DAB1: variants seen among roughly 807,000 people sequenced by gnomAD.
DAB1 encodes DAB adaptor protein 1.
A neutral mutation model predicts 64.6 loss-of-function variants in DAB1; 15 were observed. That is an observed-to-expected ratio of 0.23 (90% CI 0.16 to 0.36). The LOEUF is 0.36. Ranked by LOEUF, DAB1 falls within the 10% of genes least tolerant of loss-of-function variation. The pLI is 1.00. For synonymous variants in DAB1, 235 were observed against 251.9 expected (o/e 0.93, Z 0.64); for missense variants, 596 against 706.7 (o/e 0.84, Z 1.78).
chr1:57,979,944 G>T (rs996407263), intron 5 of DAB1, among the ~76,000 whole-genome samples: 46 of 152,214 alleles, frequency 3.0e-4, no homozygotes, highest in African/African-American at 1.0e-3. Flanking sequence ...TGAACAAAAA[G>T]AAAGGACTTG....
chr1:57,374,102 C>T (rs1028608382), intron 1 of DAB1, among the ~76,000 whole-genome samples: 3 of 152,264 alleles, frequency 2.0e-5, no homozygotes, highest in African/African-American at 7.2e-5. Flanking sequence ...GCTAAGTTTA[C>T]CTGTGACAAA....
chr1:58,064,417 C>T (rs775613097), intron 5 of DAB1, among the ~76,000 whole-genome samples: 1 of 152,118 alleles, frequency 6.6e-6, no homozygotes, highest in Non-Finnish European at 1.5e-5. Flanking sequence ...TCAGTTCAAA[C>T]CAGCTCTTCG....
chr1:57,528,225 C>A (rs1232682634), intron 7 of DAB1, among the ~76,000 whole-genome samples: 1 of 151,950 alleles, frequency 6.6e-6, no homozygotes, highest in Non-Finnish European at 1.5e-5. Context: ...ATGGTAATAT[C>A]TGAAAAAATT....
intron 7 of DAB1, among the ~76,000 whole-genome samples, chr1:57,508,761 G>A (rs2101341565): frequency 6.6e-6 from 1 of 152,206 alleles, no homozygotes; most frequent in East Asian, 1.9e-4. Context: ...TTATGTCCTT[G>A]GCTAGACTGC....
chr1:57,343,322 C>A (rs1459862922), intron 1 of DAB1, among the ~76,000 whole-genome samples: 1 of 152,192 alleles, frequency 6.6e-6, no homozygotes, highest in East Asian at 1.9e-4. Context: ...GGTATATTTA[C>A]AATCCCTTAG....
intron 2 of DAB1, among the ~76,000 whole-genome samples, chr1:57,270,053 A>G (rs1670875170): frequency 6.6e-6 from 1 of 152,216 alleles, no homozygotes; most frequent in African/African-American, 2.4e-5. Context: ...AAGGCAAAGG[A>G]GAGCCCGAGC....
At chr1:58,064,738 T>C (rs947850034) in intron 5 of DAB1, among the ~76,000 whole-genome samples, 5 of 150,346 alleles carry the variant, frequency 3.3e-5, no homozygotes, top group Non-Finnish European at 7.4e-5. Context: ...TTTATTTATT[T>C]TGAGACGGAA....
chr1:58,294,310 TA>T (rs1002254106), intron 4 of DAB1, among the ~76,000 whole-genome samples: 3 of 152,182 alleles, frequency 2.0e-5, no homozygotes. Context: ...CTATAGAAAT[TA>T]ATTCTTAAAA....
At chr1:57,661,817 A>T (rs532139413) in intron 6 of DAB1, among the ~76,000 whole-genome samples, 2 of 152,218 alleles carry the variant, frequency 1.3e-5, no homozygotes, top group South Asian at 2.1e-4. Flanking sequence ...TTATTTTTTT[A>T]AAAAACATAT....
chr1:57,213,553 C>T (rs1666194142), intron 2 of DAB1, among the ~76,000 whole-genome samples: 1 of 152,198 alleles, frequency 6.6e-6, no homozygotes, highest in Non-Finnish European at 1.5e-5. Flanking sequence ...ATACAAAATG[C>T]TGGCTCCACC....
chr1:58,481,725 A>G (rs1486162127), intron 3 of DAB1, among the ~76,000 whole-genome samples: 1 of 152,118 alleles, frequency 6.6e-6, no homozygotes, highest in Non-Finnish European at 1.5e-5. Context: ...TGAATCATGG[A>G]GGTGGGTGTT....
chr1:57,461,285 T>C (rs901339592), intron 7 of DAB1, among the ~76,000 whole-genome samples: 5 of 152,192 alleles, frequency 3.3e-5, no homozygotes, highest in African/African-American at 1.2e-4. Flanking sequence ...CCCTCTTCCA[T>C]CACTTCAGAA....
chr1:58,170,987 T>C (rs1656140628), intron 4 of DAB1, among the ~76,000 whole-genome samples: 1 of 150,680 alleles, frequency 6.6e-6, no homozygotes, highest in African/African-American at 2.5e-5. Context: ...GTCCTCAAGG[T>C]CCGTTACCAT....
intron 4 of DAB1, among the ~76,000 whole-genome samples, chr1:58,223,130 T>C (rs1659262988): frequency 6.6e-6 from 1 of 152,142 alleles, no homozygotes; most frequent in African/African-American, 2.4e-5. Flanking sequence ...CCAGCACCAA[T>C]CTCAGGGCTG....
intron 7 of DAB1, among the ~76,000 whole-genome samples, chr1:57,610,631 T>C (rs890803780): frequency 1.3e-5 from 2 of 152,188 alleles, no homozygotes; most frequent in African/African-American, 2.4e-5. Context: ...TGGGAAGGCC[T>C]CAGGAAACTT....
At chr1:58,385,378 C>G (rs1469012310) in intron 3 of DAB1, among the ~76,000 whole-genome samples, 1 of 152,188 alleles carries the variant, frequency 6.6e-6, no homozygotes, top group Admixed American at 6.5e-5. Flanking sequence ...TGCTTCCTCA[C>G]TAGACCCCTG....
chr1:57,780,957 A>C (rs1247623849), intron 6 of DAB1, among the ~76,000 whole-genome samples: 1 of 151,052 alleles, frequency 6.6e-6, no homozygotes, highest in African/African-American at 2.4e-5. Context: ...TGAACTCCTG[A>C]CCTCAGGTGA....
At chr1:57,193,673 T>C (rs955532488) in intron 2 of DAB1, among the ~76,000 whole-genome samples, 1 of 152,172 alleles carries the variant, frequency 6.6e-6, no homozygotes, top group Non-Finnish European at 1.5e-5. Flanking sequence ...GCTTGAGCCA[T>C]GCATATGTAT....
At chr1:58,235,491 T>C (rs986941273) in intron 4 of DAB1, among the ~76,000 whole-genome samples, 2 of 152,240 alleles carry the variant, frequency 1.3e-5, no homozygotes, top group African/African-American at 4.8e-5. Flanking sequence ...CATTCTCTTT[T>C]AGACTGGGAG....
Sources: allele counts gnomAD v4.1 joint callset (sites outside exome capture counted in the v4.1 genomes callset), GRCh38; gene constraint gnomAD v4.1.1; transcripts MANE v1.5; gene names NCBI Gene and HGNC (gene_info 2026-07-23, HGNC 2026-07-21).